TTC27: variants seen among roughly 807,000 people sequenced by gnomAD.
TTC27 encodes the protein tetratricopeptide repeat protein 27.
A neutral mutation model predicts 115.9 loss-of-function variants in TTC27; 79 were observed. That is an observed-to-expected ratio of 0.68 (90% CI 0.57 to 0.82). TTC27 has a LOEUF of 0.82. TTC27 is among the 40% of genes least tolerant of loss of function. The pLI is 0.00. For synonymous variants in TTC27, 401 were observed against 356.0 expected, an observed-to-expected ratio of 1.13 and a Z score of -1.42; for missense variants, 1,054 against 993.1, an observed-to-expected ratio of 1.06 and a Z score of -0.82.
At chr2:32,758,998 A>G (rs1265439569) in intron 13 of TTC27, among the ~76,000 whole-genome samples, 2 of 152,228 alleles carry the variant, frequency 1.3e-5, no homozygotes, top group Non-Finnish European at 2.9e-5. Flanking sequence ...TTAAATGTTT[A>G]AAAGTTTTTA....
At chr2:32,816,061 T>TA (rs1293228580) in intron 18 of TTC27, among the ~76,000 whole-genome samples, 1 of 152,154 alleles carries the variant, frequency 6.6e-6, no homozygotes, top group Non-Finnish European at 1.5e-5. Context: ...CTCATGCCTG[T>TA]AATTGGGAGG....
chr2:32,706,075 C>CTGTTT (rs757011051), intron 10 of TTC27, among the ~76,000 whole-genome samples: 2 of 83,046 alleles, frequency 2.4e-5, no homozygotes, highest in Non-Finnish European at 4.7e-5. Flanking sequence ...ATTTACCTTA[C>CTGTTT]TCTTTTTTTT....
At chr2:32,723,259 A>T (rs533194964) in intron 10 of TTC27, among the ~76,000 whole-genome samples, 3 of 152,142 alleles carry the variant, frequency 2.0e-5, no homozygotes, top group African/African-American at 7.2e-5. Flanking sequence ...TTTCCCTGAG[A>T]TAACACTGCG....
At chr2:32,718,240 A>G (rs1667816153) in intron 10 of TTC27, among the ~76,000 whole-genome samples, 1 of 152,188 alleles carries the variant, frequency 6.6e-6, no homozygotes, top group Non-Finnish European at 1.5e-5. Flanking sequence ...TAGTAGAACT[A>G]TGTGGAGACC....
At chr2:32,634,120 C>G (rs1315381673) in intron 3 of TTC27, 115 bp downstream of exon 3, 4 of 1,202,494 alleles carry the variant, frequency 3.3e-6, no homozygotes, top group Non-Finnish European at 4.5e-6. Flanking sequence ...ATGGTTTGCA[C>G]AAAAGTACTA....
chr2:32,655,090 G>A (rs1665270170), intron 5 of TTC27, among the ~76,000 whole-genome samples: 1 of 151,688 alleles, frequency 6.6e-6, no homozygotes, highest in South Asian at 2.1e-4. Flanking sequence ...CTGCGTTCAA[G>A]TGATTCTCCT....
At chr2:32,632,722 G>A (rs1054562723) in intron 2 of TTC27, among the ~76,000 whole-genome samples, 1 of 152,026 alleles carries the variant, frequency 6.6e-6, no homozygotes, top group African/African-American at 2.4e-5. Context: ...AAGGGCCTAG[G>A]GGCTGTGGGG....
chr2:32,642,675 G>GT (rs1410962991), intron 4 of TTC27, among the ~76,000 whole-genome samples: 57 of 147,974 alleles, frequency 3.9e-4, no homozygotes, highest in South Asian at 8.6e-4. Context: ...TGTTTGTTTT[G>GT]TTTTTTTTTT....
intron 9 of TTC27, among the ~76,000 whole-genome samples, chr2:32,695,033 T>G (rs1347087775): frequency 6.6e-6 from 1 of 152,248 alleles, no homozygotes; most frequent in East Asian, 1.9e-4. Flanking sequence ...TACATATTTT[T>G]TTATATACAT....
chr2:32,754,827 AC>A (rs573564211), intron 12 of TTC27, among the ~76,000 whole-genome samples: 4 of 126,204 alleles, frequency 3.2e-5, no homozygotes, highest in African/African-American at 9.1e-5. Context: ...GGGGGGGCTG[AC>A]CCCCCCCACC....
intron 12 of TTC27, among the ~76,000 whole-genome samples, chr2:32,744,690 A>G (rs1668756990): frequency 6.6e-6 from 1 of 152,184 alleles, no homozygotes; most frequent in African/African-American, 2.4e-5. Flanking sequence ...TCAAAATGTT[A>G]GTTTAGCTTG....
intron 10 of TTC27, among the ~76,000 whole-genome samples, chr2:32,726,600 T>C (rs555928561): frequency 6.6e-6 from 1 of 152,334 alleles, no homozygotes; most frequent in East Asian, 1.9e-4. Flanking sequence ...AACAAGTCTG[T>C]AAGGAGTTCC....
At chr2:32,701,872 A>G (rs2151900531) in intron 9 of TTC27, among the ~76,000 whole-genome samples, 1 of 152,142 alleles carries the variant, frequency 6.6e-6, no homozygotes, top group East Asian at 1.9e-4. Context: ...TTAGCCGGGC[A>G]TGGTGGTACA....
intron 12 of TTC27, among the ~76,000 whole-genome samples, chr2:32,742,853 T>C (rs1177269806): frequency 6.6e-6 from 1 of 152,194 alleles, no homozygotes; most frequent in Non-Finnish European, 1.5e-5. Flanking sequence ...AATTAGACTA[T>C]GGCCAATGTT....
At chr2:32,664,639 A>G (rs559312135) in intron 6 of TTC27, among the ~76,000 whole-genome samples, 172 bp downstream of exon 6, 13 of 152,178 alleles carry the variant, frequency 8.5e-5, no homozygotes, top group Non-Finnish European at 1.6e-4. Flanking sequence ...TTGAAATGAT[A>G]TATTTTCCTT....
intron 4 of TTC27, 39 bp downstream of exon 4, chr2:32,640,449 C>T: frequency 2.5e-6 from 4 of 1,594,274 alleles, no homozygotes; most frequent in Non-Finnish European, 3.4e-6. Context: ...CCTGGTATGA[C>T]TTTTGTGCTT....
chr2:32,629,395 C>T lies in TTC27; in HGVS notation c.88+1015C>T, dbSNP rs111282594. On this transcript the variant is annotated intron_variant, in intron 1 of 19. Coordinates refer to ENST00000317907, the MANE Select transcript of TTC27 (RefSeq NM_017735.5). ...TCGGCCTCCCAAAGTGCTGGGATTA[C>T]AGCCATGAGCCACCATGCACGGCCT... Among the ~76,000 whole-genome samples the T allele has an allele frequency of 5.1e-3, 780 of 152,206 alleles. 5 individuals carry two copies. Among genetic ancestry groups the T allele is most frequent in the African/African-American group, 0.018 (741 of 41,540 alleles).
At chr2:32,806,741 A>G (rs1241893509) in intron 16 of TTC27, among the ~76,000 whole-genome samples, 1 of 152,086 alleles carries the variant, frequency 6.6e-6, no homozygotes, top group Non-Finnish European at 1.5e-5. Context: ...AGATCGCGCC[A>G]CTGCACTCCA....
intron 12 of TTC27, among the ~76,000 whole-genome samples, chr2:32,737,117 G>C (rs1668476084): frequency 6.6e-6 from 1 of 152,146 alleles, no homozygotes; most frequent in African/African-American, 2.4e-5. Context: ...TGATCACTGG[G>C]TTGCCTGATG....
Sources: gnomAD v4.1 joint callset for allele counts (sites outside exome capture counted in the v4.1 genomes callset) on GRCh38, gnomAD v4.1.1 for gene constraint, MANE v1.5 for transcripts, NCBI Gene and HGNC (gene_info 2026-07-23, HGNC 2026-07-21) for gene names.